FGGY: variants seen among roughly 807,000 people sequenced by gnomAD.
FGGY encodes the protein FGGY carbohydrate kinase domain containing.
In FGGY, 72 loss-of-function variants were observed where a neutral mutation model predicts 71.3. The ratio of observed to expected loss-of-function variants is 1.01; its 90% CI spans 0.84 to 1.23. The LOEUF is 1.23. FGGY is among the 50% of genes most tolerant of loss of function. The pLI, the probability that FGGY is intolerant of heterozygous loss-of-function variation, is 0.00. For missense variants in FGGY, 668 were observed against 682.3 expected (o/e 0.98, Z 0.23); for synonymous variants, 251 against 250.3 (o/e 1.00, Z -0.02).
At chr1:59,492,939 G>T (rs1399863113) in intron 6 of FGGY, among the ~76,000 whole-genome samples, 7 of 151,992 alleles carry the variant, frequency 4.6e-5, no homozygotes, top group Non-Finnish European at 7.4e-5. Flanking sequence ...GCTTCAAATT[G>T]TTAAATTGGT....
chr1:59,337,506 C>T (rs1229461041), intron 2 of FGGY, among the ~76,000 whole-genome samples: 1 of 152,154 alleles, frequency 6.6e-6, no homozygotes, highest in Non-Finnish European at 1.5e-5. Context: ...TGGAAACACC[C>T]TCACAGACAC....
intron 8 of FGGY, among the ~76,000 whole-genome samples, chr1:59,570,081 G>C (rs1471869888): frequency 2.0e-5 from 3 of 152,124 alleles, no homozygotes; most frequent in African/African-American, 7.2e-5. Context: ...CAATTAATGT[G>C]CACAAAATAT....
chr1:59,761,779 T>C (rs1277794134), intron 15 of FGGY, among the ~76,000 whole-genome samples: 1 of 152,180 alleles, frequency 6.6e-6, no homozygotes, highest in Non-Finnish European at 1.5e-5. Context: ...GGGGTTTTGC[T>C]CCTGGATAAA....
At chr1:59,613,924 T>TA (rs1490606396) in intron 9 of FGGY, among the ~76,000 whole-genome samples, 1 of 152,182 alleles carries the variant, frequency 6.6e-6, no homozygotes, top group African/African-American at 2.4e-5. Flanking sequence ...CCTGGACACA[T>TA]ATACCCTCCC....
At chr1:59,421,033 A>G (rs1345663048) in intron 5 of FGGY, among the ~76,000 whole-genome samples, 1 of 152,202 alleles carries the variant, frequency 6.6e-6, no homozygotes, top group Non-Finnish European at 1.5e-5. Flanking sequence ...AAAGTTTCCC[A>G]AGTATTTTCT....
At chr1:59,719,372 G>A (rs1252727080) in intron 14 of FGGY, among the ~76,000 whole-genome samples, 3 of 152,138 alleles carry the variant, frequency 2.0e-5, no homozygotes, top group Non-Finnish European at 4.4e-5. Context: ...TGCTAGCCAT[G>A]TCATCCTAGG....
chr1:59,585,282 A>G (rs759993192), intron 8 of FGGY, among the ~76,000 whole-genome samples: 16 of 152,230 alleles, frequency 1.1e-4, no homozygotes, highest in Non-Finnish European at 2.1e-4. Context: ...CTACCAGGCT[A>G]CAGGAACCAA....
chr1:59,475,509 A>T (rs1275603780), intron 6 of FGGY, among the ~76,000 whole-genome samples: 1 of 152,224 alleles, frequency 6.6e-6, no homozygotes, highest in East Asian at 1.9e-4. Flanking sequence ...AACTTGTAAA[A>T]TAGGTTTGAT....
intron 14 of FGGY, among the ~76,000 whole-genome samples, chr1:59,753,632 T>C (rs1422104825): frequency 6.6e-6 from 1 of 150,950 alleles, no homozygotes; most frequent in East Asian, 1.9e-4. Flanking sequence ...TCCAACCTGT[T>C]AACATTTTAA....
At chr1:59,400,979 G>A (rs771969329) in intron 5 of FGGY, among the ~76,000 whole-genome samples, 1 of 151,966 alleles carries the variant, frequency 6.6e-6, no homozygotes, top group East Asian at 1.9e-4. Flanking sequence ...TTATGAGTAT[G>A]AGAACTAAGC....
At chr1:59,693,040 C>G (rs1433702592) in intron 14 of FGGY, among the ~76,000 whole-genome samples, 1 of 152,104 alleles carries the variant, frequency 6.6e-6, no homozygotes, top group African/African-American at 2.4e-5. Context: ...ATTATTACTA[C>G]CAGTAGTAGG....
intron 8 of FGGY, among the ~76,000 whole-genome samples, chr1:59,569,047 G>A (rs912206940): frequency 2.0e-5 from 3 of 152,126 alleles, no homozygotes; most frequent in African/African-American, 4.8e-5. Flanking sequence ...GGAATTTGGG[G>A]ACAACAGTTC....
intron 9 of FGGY, among the ~76,000 whole-genome samples, chr1:59,624,564 T>C (rs2096839453): frequency 6.6e-6 from 1 of 152,140 alleles, no homozygotes. Context: ...TACCTGAGAC[T>C]GGGTAATTTA....
intron 4 of FGGY, among the ~76,000 whole-genome samples, chr1:59,376,936 T>G (rs1043323256): frequency 1.3e-4 from 20 of 152,332 alleles, no homozygotes; most frequent in Admixed American, 4.6e-4. Context: ...CTTCATGCTT[T>G]TCAAGTTTAT....
At position 59,579,665 on chromosome 1, in the gene FGGY, T is replaced by C. The variant is rs149072107; in HGVS notation, c.903+25438T>C. ...ATGGAATCCACCAATGTGGACCACCTAGTTCAAGCAGTTGTGCTCCCTCTC... is the reference window on the plus strand; with the variant it reads ...ATGGAATCCACCAATGTGGACCACCCAGTTCAAGCAGTTGTGCTCCCTCTC... On this transcript the variant is annotated intron_variant, in intron 8 of 15. Coordinates refer to ENST00000303721, the MANE Select transcript of FGGY (RefSeq NM_018291.5). Among the ~76,000 whole-genome samples the C allele has an allele frequency of 1.1e-3, 162 of 152,302 alleles. 1 individual carries two copies. The highest frequency in any genetic ancestry group is 3.8e-3 in the African/African-American group (158 of 41,538).
chr1:59,729,395 A>G (rs2097995407), intron 14 of FGGY, among the ~76,000 whole-genome samples: 1 of 151,880 alleles, frequency 6.6e-6, no homozygotes, highest in Admixed American at 6.6e-5. Flanking sequence ...CTCTCTTTGG[A>G]CTGTGTTTTT....
At chr1:59,720,873 A>C (rs2097885684) in intron 14 of FGGY, among the ~76,000 whole-genome samples, 1 of 151,804 alleles carries the variant, frequency 6.6e-6, no homozygotes, top group Non-Finnish European at 1.5e-5. Flanking sequence ...CCTGGTGCTC[A>C]CTCCCTTTCT....
intron 4 of FGGY, among the ~76,000 whole-genome samples, chr1:59,370,894 C>G (rs1303441873): frequency 6.6e-6 from 1 of 152,080 alleles, no homozygotes; most frequent in African/African-American, 2.4e-5. Context: ...CCTAAAATAG[C>G]TCCTGAAGGA....
chr1:59,648,672 G>A (rs2097124810), intron 11 of FGGY, among the ~76,000 whole-genome samples: 1 of 150,274 alleles, frequency 6.7e-6, no homozygotes. Flanking sequence ...TGAGTAGGTT[G>A]CGAAAATTTT....
Sources: gnomAD v4.1 joint callset for allele counts (sites outside exome capture counted in the v4.1 genomes callset) on GRCh38, gnomAD v4.1.1 for gene constraint, MANE v1.5 for transcripts, NCBI Gene and HGNC (gene_info 2026-07-23, HGNC 2026-07-21) for gene names.